ZFYVE28: variants seen among roughly 807,000 people sequenced by gnomAD.
ZFYVE28 encodes the protein lateral signaling target protein 2 homolog.
In ZFYVE28, 40 loss-of-function variants were observed where a neutral mutation model predicts 82.1. The observed-to-expected ratio is 0.49, with a 90% CI of 0.38 to 0.63. The LOEUF (loss-of-function observed/expected upper bound fraction) is 0.63, where lower values mean the gene tolerates loss of function less well. Among genes scored for constraint, ZFYVE28 ranks in the 30% least tolerant of loss-of-function variants. The pLI is 0.00. For synonymous variants in ZFYVE28, 612 were observed against 546.1 expected (o/e 1.12, Z -1.68); for missense variants, 1,321 against 1,242.1 (o/e 1.06, Z -0.96).
intron 3 of ZFYVE28, among the ~76,000 whole-genome samples, chr4:2,340,198 C>T (rs138456432): frequency 0.011 from 1,704 of 152,288 alleles, 26 homozygotes; most frequent in Admixed American, 0.031. Flanking sequence ...GCCAGAGAAA[C>T]GCAACCTTCC....
At position 2,374,384 on chromosome 4, in the gene ZFYVE28, G is replaced by C. The variant is rs543684236; in HGVS notation, c.40-20311C>G. On this transcript the variant is annotated intron_variant, in intron 1 of 12. Transcript: ENST00000290974. ...CCCAGAATTTTGGACGGCCAAGGCG[G>C]GAGGATTGTTTGAGTCCAGGAGCTC... Among the ~76,000 whole-genome samples the C allele has an allele frequency of 1.3e-4, 20 of 152,336 alleles. 1 individual carries two copies. The East Asian group carries it at 3.7e-3, about 28-fold the overall frequency.
chr4:2,290,435 C>T lies in ZFYVE28; in HGVS notation c.2051+13854G>A, dbSNP rs528161797. Among the ~76,000 whole-genome samples, 141 of 152,330 alleles carry T rather than the reference C, an allele frequency of 9.3e-4. 1 individual carries two copies. The highest frequency in any genetic ancestry group is 1.9e-3 in the Non-Finnish European group (128 of 68,012). ...GCCACTTTGCCAGTCGTCATGGTGA[C>T]CCCTCCATGATCCCGTAGCTACCCT... On this transcript the variant is annotated intron_variant, in intron 8 of 12. Coordinates refer to ENST00000290974, the MANE Select transcript of ZFYVE28 (RefSeq NM_020972.3).
intron 1 of ZFYVE28, among the ~76,000 whole-genome samples, chr4:2,366,656 A>G (rs1726923237): frequency 6.6e-6 from 1 of 152,220 alleles, no homozygotes; most frequent in South Asian, 2.1e-4. Context: ...ACGCAGCTAG[A>G]GGCCTCTGCC....
chr4:2,399,486 G>A (rs150503306), intron 1 of ZFYVE28, among the ~76,000 whole-genome samples: 236 of 152,244 alleles, frequency 1.6e-3, no homozygotes, highest in African/African-American at 5.6e-3. Flanking sequence ...CTATACCCTC[G>A]CAAGAAAGCA....
At chr4:2,402,707 C>T (rs1233611421) in intron 1 of ZFYVE28, among the ~76,000 whole-genome samples, 1 of 152,208 alleles carries the variant, frequency 6.6e-6, no homozygotes, top group Non-Finnish European at 1.5e-5. Context: ...AAAACCGTAG[C>T]AGCTGTACCA....
chr4:2,413,397 G>C (rs1732719785), intron 1 of ZFYVE28, among the ~76,000 whole-genome samples: 1 of 152,220 alleles, frequency 6.6e-6, no homozygotes, highest in African/African-American at 2.4e-5. Flanking sequence ...GAGCCGCCGG[G>C]GGAGCCCCAG....
In ZFYVE28 at chr4:2,335,018, G is replaced by C. The variant is rs1310140067; in HGVS notation, c.701+687C>G. Among the ~76,000 whole-genome samples the C allele has an allele frequency of 6.6e-6, 1 of 150,896 alleles. No homozygotes were observed. The highest frequency in any genetic ancestry group is 1.5e-5 in the Non-Finnish European group (1 of 67,604). On this transcript the variant is annotated intron_variant, in intron 6 of 12. Coordinates refer to ENST00000290974, the MANE Select transcript of ZFYVE28 (RefSeq NM_020972.3). This position sits in a 1 kb window ranked among gnomAD's most constrained non-coding sequence, Gnocchi z 5.8. ...TGGGCTCTAACCTTGGCCCCAGACA[G>C]CTCAGAGACGCTAAGCAGGTGACCC... is the stretch of plus-strand genomic sequence containing the variant.
chr4:2,273,109 T>A, intron 10 of ZFYVE28, 64 bp downstream of exon 10: 1 of 1,368,620 alleles, frequency 7.3e-7, no homozygotes, highest in South Asian at 1.3e-5. Context: ...TGAGCACCCC[T>A]CCCTGTGGGC....
chr4:2,382,484 G>T (rs1728827811), intron 1 of ZFYVE28, among the ~76,000 whole-genome samples: 1 of 152,226 alleles, frequency 6.6e-6, no homozygotes, highest in African/African-American at 2.4e-5. Flanking sequence ...AGTCAAAGGA[G>T]ATCATTTTGG....
At chr4:2,395,890 G>A (rs1730391230) in intron 1 of ZFYVE28, among the ~76,000 whole-genome samples, 1 of 152,178 alleles carries the variant, frequency 6.6e-6, no homozygotes, top group Admixed American at 6.5e-5. Flanking sequence ...GGCGCCAGGG[G>A]GTTCCTTGTC....
intron 1 of ZFYVE28, among the ~76,000 whole-genome samples, chr4:2,376,124 C>T (rs1394169130): frequency 2.6e-5 from 4 of 151,826 alleles, no homozygotes; most frequent in African/African-American, 4.8e-5. Flanking sequence ...CCGCCCGCCT[C>T]GGCCTCCCAA....
chr4:2,415,610 T>A (rs1323469398), intron 1 of ZFYVE28, among the ~76,000 whole-genome samples: 2 of 152,118 alleles, frequency 1.3e-5, no homozygotes, highest in Admixed American at 1.3e-4. Flanking sequence ...CAGGCAACAG[T>A]CTCCCCCAGA....
rs142324069 is a variant in ZFYVE28 at position 2,339,553 on chromosome 4, C to T, written c.421G>A (p.Ala141Thr). ...TCCCGCAGCGCCTGGTCACGGAGGG[C>T]GCCCCGCACGTCCTCCAGGCTGCGC... ...LTRSLEDVRG[A>T]LRDQALRDLN... The change falls in exon 4 of 13, where the codon GCC (alanine) becomes ACC (threonine). Residue 141 changes from alanine to threonine, a missense_variant. Coordinates refer to ENST00000290974, the MANE Select transcript of ZFYVE28 (RefSeq NM_020972.3). This position sits in a 1 kb window ranked among gnomAD's most constrained non-coding sequence, Gnocchi z 5.0. The T allele has an allele frequency of 2.1e-5, 34 of 1,613,166 alleles. No individual in the cohort carries two copies. The highest frequency in any genetic ancestry group is 1.7e-4 in the African/African-American group (13 of 75,048).
intron 7 of ZFYVE28, among the ~76,000 whole-genome samples, chr4:2,315,981 T>C (rs997644066): frequency 1.1e-4 from 17 of 152,234 alleles, no homozygotes; most frequent in African/African-American, 3.9e-4. Context: ...TTCTTGTTGT[T>C]TTTCCCCTCT....
At chr4:2,321,838 C>A (rs1194407526) in intron 6 of ZFYVE28, among the ~76,000 whole-genome samples, 1 of 152,166 alleles carries the variant, frequency 6.6e-6, no homozygotes, top group African/African-American at 2.4e-5. Context: ...CCTGCCTGTG[C>A]CGGGCAGCAG....
At chr4:2,337,877 T>TACACACACACACACAC (rs57325124) in intron 4 of ZFYVE28, among the ~76,000 whole-genome samples, 28,854 of 150,924 alleles carry the variant, frequency 0.19, 3,393 homozygotes, top group East Asian at 0.46. Context: ...TCTCTTAAAA[T>TACACACACACACACAC]ACACACACAC....
chr4:2,323,581 T>G (rs1719416714), intron 6 of ZFYVE28, among the ~76,000 whole-genome samples: 1 of 152,220 alleles, frequency 6.6e-6, no homozygotes, highest in South Asian at 2.1e-4. Context: ...TTAGGGTACA[T>G]GTGCACATTG....
chr4:2,370,174 T>C (rs1727379762), intron 1 of ZFYVE28, among the ~76,000 whole-genome samples: 1 of 152,126 alleles, frequency 6.6e-6, no homozygotes, highest in East Asian at 1.9e-4. Context: ...AGCACCCCAC[T>C]GTGTGCGACT....
intron 2 of ZFYVE28, among the ~76,000 whole-genome samples, chr4:2,351,128 T>G (rs996237609): frequency 6.6e-6 from 1 of 152,136 alleles, no homozygotes; most frequent in Non-Finnish European, 1.5e-5. Flanking sequence ...GGCCGTCTTG[T>G]GGGACTGAGC....
Sources: gnomAD v4.1 joint callset for allele counts (sites outside exome capture counted in the v4.1 genomes callset) on GRCh38, gnomAD v4.1.1 for gene constraint, Gnocchi (gnomAD v3.1) non-coding constraint, MANE v1.5 for transcripts, NCBI Gene and HGNC (gene_info 2026-07-23, HGNC 2026-07-21) for gene names.